Variants in PCDHGB4 observed in about 807,000 individuals in gnomAD.
The protein encoded by PCDHGB4 is protocadherin gamma subfamily B, 4, also known as protocadherin gamma-B4.
A neutral mutation model predicts 60.5 loss-of-function variants in PCDHGB4; 38 were observed. The ratio of observed to expected loss-of-function variants is 0.63; its 90% confidence interval spans 0.48 to 0.82. PCDHGB4 has a LOEUF of 0.82. PCDHGB4 is among the 40% of genes least tolerant of loss of function. The probability of loss-of-function intolerance (pLI) is 0.00; values close to 1 mark genes in which losing one functional copy is unlikely to be tolerated. For missense variants in PCDHGB4, 1,109 were observed against 1,209.6 expected (o/e 0.92, Z 1.23); for synonymous variants, 456 against 509.7 (o/e 0.89, Z 1.42).
At position 141,476,881 on chromosome 5, in the gene PCDHGB4, G is replaced by A. The variant is rs1458703890; in HGVS notation, c.2398-17926G>A. On this transcript the variant is annotated intron_variant, in intron 1 of 3. Coordinates refer to ENST00000519479, the MANE Select transcript of PCDHGB4 (RefSeq NM_003736.4). The surrounding 1 kb of genome is among the most constrained non-coding windows in gnomAD (Gnocchi z 7.6). The stretch of plus-strand genomic sequence containing the variant: ...CCTTGTACCGGGCGCGCGTCCTGGA[G>A]GATGCACCCTCCGGCACGCGCGTGG... 1.9e-6 allele frequency: 3 copies of A among 1,613,874 alleles called. No homozygotes were observed. Among genetic ancestry groups the A allele is most frequent in the Middle Eastern group, 1.6e-4 (1 of 6,084 alleles).
At chr5:141,399,402 G>T (rs2093800599) in intron 1 of PCDHGB4, 2 of 1,613,898 alleles carry the variant, frequency 1.2e-6, no homozygotes, top group Non-Finnish European at 1.7e-6. Context: ...ACAGGGGCAA[G>T]CCGCCCCTCT....
chr5:141,415,249 G>A (rs756443082), intron 1 of PCDHGB4: 1 of 1,614,204 alleles, frequency 6.2e-7, no homozygotes, highest in South Asian at 1.1e-5. Context: ...TGAAACCTCA[G>A]ACCTCACTCT....
intron 1 of PCDHGB4, among the ~76,000 whole-genome samples, chr5:141,448,430 T>C (rs1468604001): frequency 6.6e-6 from 1 of 152,186 alleles, no homozygotes; most frequent in African/African-American, 2.4e-5. Flanking sequence ...TATGTATATA[T>C]TGAGAAGTCT....
In PCDHGB4 at chr5:141,486,369, C is replaced by T; in HGVS notation, c.2398-8438C>T. 8 of 1,614,128 alleles carry T rather than the reference C, an allele frequency of 5.0e-6. No homozygotes were observed. The highest frequency in any genetic ancestry group is 6.8e-6 in the Non-Finnish European group (8 of 1,179,996). On this transcript the variant is annotated intron_variant, in intron 1 of 3. Coordinates refer to ENST00000519479, the MANE Select transcript of PCDHGB4 (RefSeq NM_003736.4). The surrounding 1 kb of genome is among the most constrained non-coding windows in gnomAD (Gnocchi z 5.0). ...GACCACTTGCCATTTGCCCTCAAGT[C>T]TGCCTTCAGGAACCAGTTCTCCCTG...
chr5:141,510,553 A>C (rs1471878583), intron 3 of PCDHGB4, among the ~76,000 whole-genome samples: 1 of 152,162 alleles, frequency 6.6e-6, no homozygotes, highest in African/African-American at 2.4e-5. Context: ...TGTTTTGAGC[A>C]CTTACATCTA....
chr5:141,415,585 C>G (rs1589974529), intron 1 of PCDHGB4: 5 of 1,613,900 alleles, frequency 3.1e-6, no homozygotes, highest in Non-Finnish European at 3.4e-6. Context: ...TTCGAAGTTT[C>G]CTATAGAGGA....
At chr5:141,483,333 C>G (rs566443186) in intron 1 of PCDHGB4, among the ~76,000 whole-genome samples, 1 of 152,096 alleles carries the variant, frequency 6.6e-6, no homozygotes, top group East Asian at 1.9e-4. Context: ...GCAAAGAGAT[C>G]TTATCTCTTT....
chr5:141,419,515 G>T, intron 1 of PCDHGB4: 1 of 1,612,264 alleles, frequency 6.2e-7, no homozygotes, highest in Non-Finnish European at 8.5e-7. Flanking sequence ...GCGTGTTGGT[G>T]GGCGACCGTA....
chr5:141,458,990 C>T (rs2098958778), intron 1 of PCDHGB4, among the ~76,000 whole-genome samples: 1 of 152,212 alleles, frequency 6.6e-6, no homozygotes, highest in Non-Finnish European at 1.5e-5. Context: ...GCCTCACCCT[C>T]CCAAAGTGCT....
intron 1 of PCDHGB4, chr5:141,414,081 T>G: frequency 6.2e-7 from 1 of 1,601,774 alleles, no homozygotes; most frequent in Non-Finnish European, 8.5e-7. Context: ...ACAAATATAC[T>G]GGAGAAATAA....
chr5:141,481,924 A>G (rs1189494301), intron 1 of PCDHGB4, among the ~76,000 whole-genome samples: 1 of 151,648 alleles, frequency 6.6e-6, no homozygotes, highest in Non-Finnish European at 1.5e-5. Context: ...AAAAAAAAAA[A>G]AAAAAAAAAA....
chr5:141,477,224 G>C lies in PCDHGB4; in HGVS notation c.2398-17583G>C. 6.2e-7 allele frequency: 1 copy of C among 1,614,200 alleles called. No individual in the cohort carries two copies. The highest frequency in any genetic ancestry group is 8.5e-7 in the Non-Finnish European group (1 of 1,180,046). Reference sequence around the variant, plus strand: ...ACCCGAGGATGCCCCTCTGGGGACTGTCATCGCTTTGCTCAGTGTGACTGA... The same window carrying C: ...ACCCGAGGATGCCCCTCTGGGGACTCTCATCGCTTTGCTCAGTGTGACTGA... On this transcript the variant is annotated intron_variant, in intron 1 of 3. Transcript: ENST00000519479. The surrounding 1 kb of genome is among the most constrained non-coding windows in gnomAD (Gnocchi z 4.9).
chr5:141,415,577 C>T (rs776744277), intron 1 of PCDHGB4: 3 of 1,613,744 alleles, frequency 1.9e-6, no homozygotes, highest in East Asian at 4.5e-5. Context: ...TTAGATGATT[C>T]GAAGTTTCCT....
At chr5:141,415,738 AGGTTTT>A in intron 1 of PCDHGB4, 1 of 538,082 alleles carries the variant, frequency 1.9e-6, no homozygotes, top group South Asian at 3.9e-5. Flanking sequence ...ATGTTTATTA[AGGTTTT>A]TTTTTTTTTT....
chr5:141,410,202 A>G (rs766392835), intron 1 of PCDHGB4: 2 of 1,614,018 alleles, frequency 1.2e-6, no homozygotes, highest in Non-Finnish European at 1.7e-6. Flanking sequence ...TTCGCAGACA[A>G]CTTGCAAGAG....
In PCDHGB4 at chr5:141,486,403, T is replaced by C; in HGVS notation, c.2398-8404T>C. ...GGAACCAGTTCTCCCTGGTGACTGC[T>C]GGACCCTTGGATCGAGAGGCCAAAT... On this transcript the variant is annotated intron_variant, in intron 1 of 3. Coordinates refer to ENST00000519479, the MANE Select transcript of PCDHGB4 (RefSeq NM_003736.4). This position sits in a 1 kb window ranked among gnomAD's most constrained non-coding sequence, Gnocchi z 5.0. The C allele has an allele frequency of 6.2e-7, 1 of 1,614,212 alleles. No individual in the cohort carries two copies. Among genetic ancestry groups the C allele is most frequent in the Non-Finnish European group, 8.5e-7 (1 of 1,180,034 alleles).
intron 1 of PCDHGB4, among the ~76,000 whole-genome samples, chr5:141,483,630 G>A (rs2099583876): frequency 6.7e-6 from 1 of 149,714 alleles, no homozygotes; most frequent in African/African-American, 2.5e-5. Flanking sequence ...ATGGGAGAAG[G>A]TATAGAGGGG....
intron 2 of PCDHGB4, among the ~76,000 whole-genome samples, chr5:141,497,879 G>A (rs62379207): frequency 4.6e-4 from 70 of 152,244 alleles, no homozygotes; most frequent in Non-Finnish European, 8.2e-4. Flanking sequence ...TGAAATAAGC[G>A]TTAGGATCTA....
chr5:141,449,994 G>T (rs2098661673), intron 1 of PCDHGB4, among the ~76,000 whole-genome samples: 2 of 131,786 alleles, frequency 1.5e-5, no homozygotes, highest in Admixed American at 7.9e-5. Context: ...ATTGCATTTA[G>T]TTGCCATGTC....
Sources: gnomAD v4.1 joint callset for allele counts (sites outside exome capture counted in the v4.1 genomes callset) on GRCh38, gnomAD v4.1.1 for gene constraint, Gnocchi (gnomAD v3.1) non-coding constraint, MANE v1.5 for transcripts, NCBI Gene and HGNC (gene_info 2026-07-23, HGNC 2026-07-21) for gene names.